HAL: variants seen among roughly 807,000 people sequenced by gnomAD.
HAL encodes histidase.
Under a neutral mutation model 81.1 loss-of-function variants are expected in HAL, and 85 were observed. The observed-to-expected ratio is 1.05, with a 90% CI of 0.88 to 1.25. HAL has a LOEUF of 1.25. HAL is among the 50% of genes most tolerant of loss of function. The pLI, the probability that HAL is intolerant of heterozygous loss-of-function variation, is 0.00. For synonymous variants in HAL, 301 were observed against 309.2 expected, an observed-to-expected ratio of 0.97 and a Z score of 0.28; for missense variants, 798 against 836.6, an observed-to-expected ratio of 0.95 and a Z score of 0.57.
At chr12:95,987,968 C>G (rs1221282731) in intron 11 of HAL, among the ~76,000 whole-genome samples, 1 of 152,094 alleles carries the variant, frequency 6.6e-6, no homozygotes, top group Non-Finnish European at 1.5e-5. Flanking sequence ...CTCAGGCAAT[C>G]CACCTGTCTC....
rs772628949 is a variant in HAL at position 95,978,121 on chromosome 12, T to A, written c.1520-43A>T. The A allele has an allele frequency of 3.2e-6, 5 of 1,547,290 alleles. No homozygotes were observed. The African/African-American group carries it at 6.8e-5, about 21-fold the overall frequency. On this transcript the variant is annotated intron_variant, in intron 17 of 20. Transcript: ENST00000261208. ...CAGTTAAGAAGTGCTCCTCACAGGA[T>A]GAGCTGTCTAAAGGACCCGTGGCTT...
At position 95,993,834 on chromosome 12, in the gene HAL, A is replaced by G; in HGVS notation, c.489T>C (p.Val163=). The G allele has an allele frequency of 6.4e-7, 1 of 1,563,260 alleles. No individual in the cohort carries two copies. Among genetic ancestry groups the G allele is most frequent in the East Asian group, 2.2e-5 (1 of 44,638 alleles). The change falls in exon 7 of 21, where the codon GTT becomes GTC. Residue 163 remains valine (V), a synonymous_variant. Transcript: ENST00000261208. ...TCCCAAAACCTGTAGTAATACCGTA[A>G]ACAACTAGAATAAAAAGAGACATTA... The part of the protein sequence containing the change: ...IDSIIKEKTV[V]YGITTGFGKF...
Position 95,993,508 on chromosome 12 carries a change from A to G in HAL, c.552-20T>C. 4 of 1,530,558 alleles carry G rather than the reference A, an allele frequency of 2.6e-6. No homozygotes were observed. Among genetic ancestry groups the G allele is most frequent in the Non-Finnish European group, 3.6e-6 (4 of 1,103,584 alleles). 94.8% of individuals were successfully genotyped at this position (1,530,558 alleles called of 1,614,324 possible). A position where few individuals can be genotyped will look rare whatever the true frequency, so the allele number is the denominator to read the frequency against. On this transcript the variant is annotated intron_variant, in intron 7 of 20. Coordinates refer to ENST00000261208, the MANE Select transcript of HAL (RefSeq NM_002108.4). ...AGCTCCCTGCAACAGAAAGGTAAAA[A>G]CCCTCTTAGATACATTGCAGTGAGA...
chr12:95,983,113 T>G (rs1301771985), intron 15 of HAL, among the ~76,000 whole-genome samples: 4 of 152,294 alleles, frequency 2.6e-5, no homozygotes, highest in South Asian at 4.1e-4. Context: ...GGGGGCTGGG[T>G]GTAGTCGCTC....
chr12:95,974,484 G>T (rs1332460109), intron 20 of HAL, 112 bp from the exon 21 acceptor site: 2 of 910,008 alleles, frequency 2.2e-6, no homozygotes, highest in African/African-American at 1.6e-5. Flanking sequence ...ACCAGACACA[G>T]CTGCTGTTTG....
Position 95,988,847 on chromosome 12 carries a change from A to G in HAL, c.856-607T>C, listed in dbSNP as rs572347436. ...CTTGAAAGAAAAGAAGTAGAGAGTC[A>G]TTAAGTTAAGGTCTCTCTAGGAAAG... On this transcript the variant is annotated intron_variant, in intron 10 of 20. Transcript: ENST00000261208. 2.6e-5 allele frequency among the ~76,000 whole-genome samples: 4 copies of G among 152,306 alleles called. No homozygotes were observed. The South Asian group carries it at 8.3e-4, about 32-fold the overall frequency.
At chr12:95,976,968 GCTGCCCATTCAT>G (rs2080728592) in intron 18 of HAL, among the ~76,000 whole-genome samples, 1 of 152,194 alleles carries the variant, frequency 6.6e-6, no homozygotes, top group Non-Finnish European at 1.5e-5. Flanking sequence ...TACCCAGGAA[GCTGCCCATTCAT>G]CTGCACTAGC....
At position 95,972,879 on chromosome 12, in the gene HAL, C is replaced by A. The variant is rs927813553; in HGVS notation, c.*1353G>T. 1 of 152,200 alleles carries A rather than the reference C, an allele frequency of 6.6e-6. No individual in the cohort carries two copies. The highest frequency in any genetic ancestry group is 2.4e-5 in the African/African-American group (1 of 41,442). 9.4% of individuals were successfully genotyped at this position (152,200 alleles called of 1,614,324 possible). Reference sequence around the variant, plus strand: ...TGGCTCAATGGCAGCCCACGGATGACAATGCACAAACCTCATTTGTGTGTG... The same window carrying A: ...TGGCTCAATGGCAGCCCACGGATGAAAATGCACAAACCTCATTTGTGTGTG... On this transcript the variant is annotated 3_prime_UTR_variant, in exon 21 of 21. Coordinates refer to ENST00000261208, the MANE Select transcript of HAL (RefSeq NM_002108.4).
At chr12:95,981,411 A>T (rs2080794054) in intron 15 of HAL, among the ~76,000 whole-genome samples, 1 of 152,218 alleles carries the variant, frequency 6.6e-6, no homozygotes, top group Non-Finnish European at 1.5e-5. Context: ...GTCCTCATGA[A>T]TCCATTTTAA....
At chr12:95,993,517 G>T in intron 7 of HAL, 29 bp from the exon 8 acceptor site, 1 of 1,460,304 alleles carries the variant, frequency 6.8e-7, no homozygotes, top group Non-Finnish European at 9.6e-7. Flanking sequence ...AACCCTCTTA[G>T]ATACATTGCA....
Position 95,995,915 on chromosome 12 carries a change from C to T in HAL, c.-5G>A, listed in dbSNP as rs199707823. 2.1e-5 allele frequency: 33 copies of T among 1,602,476 alleles called. 1 individual carries two copies. The East Asian group carries it at 6.0e-4, about 29-fold the overall frequency. On this transcript the variant is annotated 5_prime_UTR_variant, in exon 2 of 21. Transcript: ENST00000261208. ...GTGCACCGTGTATCTGGGCATGGCT[C>T]CGCTGCAGCCTGAGGTCCTCAGCTG...
intron 17 of HAL, among the ~76,000 whole-genome samples, chr12:95,978,811 G>A (rs2080757240): frequency 1.3e-5 from 2 of 152,220 alleles, no homozygotes; most frequent in South Asian, 4.1e-4. Flanking sequence ...GTCAGGAAAG[G>A]TCAGACTCAA....
chr12:95,979,293 T>C (rs1319829463), intron 17 of HAL, among the ~76,000 whole-genome samples: 3 of 152,216 alleles, frequency 2.0e-5, no homozygotes, highest in African/African-American at 7.2e-5. Flanking sequence ...AAATAGAAGA[T>C]ACCGGTCAGA....
chr12:95,992,606 C>T (rs1308480538), intron 9 of HAL, 74 bp downstream of exon 9: 2 of 1,334,054 alleles, frequency 1.5e-6, no homozygotes, highest in East Asian at 4.7e-5. Context: ...TCCTCAGCAT[C>T]TGGCCAATCA....
At chr12:95,987,763 C>T (rs949514353) in intron 11 of HAL, among the ~76,000 whole-genome samples, 2 of 152,100 alleles carry the variant, frequency 1.3e-5, no homozygotes, top group African/African-American at 4.8e-5. Flanking sequence ...GGCTGGTGTG[C>T]AGTGGTGCGA....
chr12:95,995,159 G>A, intron 2 of HAL, 166 bp from the exon 3 acceptor site: 3 of 676,612 alleles, frequency 4.4e-6, no homozygotes, highest in Admixed American at 4.4e-5. Flanking sequence ...TGTAGGAGGA[G>A]AGCAAAAAGC....
intron 9 of HAL, among the ~76,000 whole-genome samples, chr12:95,991,942 G>C (rs1321678283): frequency 6.6e-6 from 1 of 152,178 alleles, no homozygotes; most frequent in Non-Finnish European, 1.5e-5. Context: ...CCATAACATG[G>C]AAACTCAAGA....
At chr12:95,978,333 C>A (rs1287371537) in intron 17 of HAL, among the ~76,000 whole-genome samples, 4 of 152,034 alleles carry the variant, frequency 2.6e-5, no homozygotes, top group African/African-American at 2.4e-5. Context: ...TCTAATATAA[C>A]AAGGCCAAGA....
chr12:95,995,722 C>T lies in HAL; in HGVS notation c.189G>A (p.Leu63=). The stretch of plus-strand genomic sequence containing the variant: ...CCTCGAGCCGGTCCTCGTTGTCCAG[C>T]AGGCCCAGGCCCTTGCACCGGCGCA... ...FLVRRCKGLG[L]LDNEDRLEVA... is the part of the protein sequence containing the mutation. Residue 63 remains leucine (L), a synonymous_variant, in exon 2 of 21, where the codon CTG becomes CTA. Coordinates refer to ENST00000261208, the MANE Select transcript of HAL (RefSeq NM_002108.4). 3.1e-6 allele frequency: 5 copies of T among 1,613,772 alleles called. No homozygotes were observed. The highest frequency in any genetic ancestry group is 1.3e-5 in the African/African-American group (1 of 75,074).
Sources: gnomAD v4.1 joint callset for allele counts (sites outside exome capture counted in the v4.1 genomes callset) on GRCh38, gnomAD v4.1.1 for gene constraint, MANE v1.5 for transcripts, NCBI Gene and HGNC (gene_info 2026-07-23, HGNC 2026-07-21) for gene names.